Variants in RARB observed in about 807,000 individuals in gnomAD.
RARB encodes HBV-activated protein.
In RARB, 17 loss-of-function variants were observed where a neutral mutation model predicts 51.9. The ratio of observed to expected loss-of-function variants is 0.33; its 90% confidence interval spans 0.22 to 0.49. RARB has a LOEUF of 0.49. Among genes scored for constraint, RARB ranks in the 20% least tolerant of loss-of-function variants. RARB has a pLI of 0.99. For missense variants in RARB, 369 were observed against 550.8 expected (o/e 0.67, Z 3.30); for synonymous variants, 215 against 195.4 (o/e 1.10, Z -0.84).
At chr3:25,464,672 A>G (rs1189496422) in intron 2 of RARB, among the ~76,000 whole-genome samples, 2 of 152,156 alleles carry the variant, frequency 1.3e-5, no homozygotes, top group Non-Finnish European at 2.9e-5. Flanking sequence ...AAAATTAAAT[A>G]TAATTTTATT....
intron 1 of RARB, among the ~76,000 whole-genome samples, chr3:24,857,641 T>C (rs1702658987): frequency 6.6e-6 from 1 of 152,170 alleles, no homozygotes; most frequent in African/African-American, 2.4e-5. Flanking sequence ...TCGACTTCAG[T>C]GCAGTAGCTC....
intron 5 of RARB, chr3:25,324,090 T>C (rs1476396890): frequency 6.6e-6 from 1 of 152,130 alleles, no homozygotes; most frequent in African/African-American, 2.4e-5. Context: ...GAAGATACTG[T>C]GTACTATTGA....
At chr3:25,251,605 T>C (rs752205108) in intron 5 of RARB, among the ~76,000 whole-genome samples, 1 of 152,204 alleles carries the variant, frequency 6.6e-6, no homozygotes. Flanking sequence ...ATTTTCCTAA[T>C]GACTAATGAT....
At chr3:25,294,780 C>T (rs1349055850) in intron 5 of RARB, among the ~76,000 whole-genome samples, 1 of 149,338 alleles carries the variant, frequency 6.7e-6, no homozygotes, top group Non-Finnish European at 1.5e-5. Context: ...TTTTCTCCTA[C>T]TGTTTCTGTA....
chr3:25,240,587 A>T (rs1203665955), intron 5 of RARB, among the ~76,000 whole-genome samples: 1 of 152,130 alleles, frequency 6.6e-6, no homozygotes, highest in Non-Finnish European at 1.5e-5. Flanking sequence ...TTATTGAGTG[A>T]TCATACAGTT....
At chr3:25,315,303 G>T (rs1216375796) in intron 5 of RARB, among the ~76,000 whole-genome samples, 2 of 152,148 alleles carry the variant, frequency 1.3e-5, no homozygotes, top group Non-Finnish European at 1.5e-5. Context: ...GGGCTTACTT[G>T]AGAAGTATAA....
At chr3:25,216,331 C>G (rs951061973) in intron 5 of RARB, among the ~76,000 whole-genome samples, 3 of 152,076 alleles carry the variant, frequency 2.0e-5, no homozygotes, top group Admixed American at 1.3e-4. Flanking sequence ...ATGTTGCCTG[C>G]TTTAAAAAAA....
At chr3:25,506,349 C>T (rs1377514444) in intron 3 of RARB, among the ~76,000 whole-genome samples, 1 of 151,320 alleles carries the variant, frequency 6.6e-6, no homozygotes, top group Non-Finnish European at 1.5e-5. Context: ...CTCACACTTG[C>T]AATCCCAGCA....
chr3:25,448,465 T>A (rs1575413468), intron 1 of RARB, among the ~76,000 whole-genome samples: 1 of 152,188 alleles, frequency 6.6e-6, no homozygotes, highest in East Asian at 1.9e-4. Context: ...TTGAGAATCT[T>A]TTCTTTCTTT....
chr3:25,072,973 C>G (rs924414644), intron 3 of RARB, among the ~76,000 whole-genome samples: 1 of 152,114 alleles, frequency 6.6e-6, no homozygotes, highest in Non-Finnish European at 1.5e-5. Context: ...GCTGGGATTA[C>G]AGGTGTGAGC....
At chr3:25,030,462 T>G (rs1272666376) in intron 2 of RARB, among the ~76,000 whole-genome samples, 1 of 152,266 alleles carries the variant, frequency 6.6e-6, no homozygotes, top group African/African-American at 2.4e-5. Flanking sequence ...CTGTATTATC[T>G]TTTAATAATG....
intron 5 of RARB, among the ~76,000 whole-genome samples, chr3:25,321,297 A>G (rs547706637): frequency 2.6e-5 from 4 of 152,368 alleles, no homozygotes; most frequent in African/African-American, 9.6e-5. Context: ...TGGATGGAGT[A>G]GTAAGGTACT....
chr3:25,297,126 A>G (rs1332364231), intron 5 of RARB, among the ~76,000 whole-genome samples: 1 of 152,216 alleles, frequency 6.6e-6, no homozygotes, highest in Non-Finnish European at 1.5e-5. Flanking sequence ...GAAATCCATG[A>G]ACTCTGTGAT....
At chr3:25,130,719 C>A (rs529954418) in intron 3 of RARB, among the ~76,000 whole-genome samples, 8 of 151,886 alleles carry the variant, frequency 5.3e-5, no homozygotes, top group East Asian at 1.9e-4. Flanking sequence ...GAATGTCTTG[C>A]AGGAAATTCT....
chr3:25,096,958 T>G (rs1321251222), intron 3 of RARB, among the ~76,000 whole-genome samples: 17 of 152,194 alleles, frequency 1.1e-4, no homozygotes, highest in Admixed American at 1.1e-3. Context: ...TGTGGGGTTT[T>G]GCATAAGAAG....
In RARB at chr3:25,534,575, C is replaced by G. The variant is rs1699060486; in HGVS notation, c.448+33252C>G. 2.0e-5 allele frequency among the ~76,000 whole-genome samples: 3 copies of G among 152,180 alleles called. 1 individual carries two copies. In the South Asian group the frequency reaches 6.2e-4, roughly 32 times the overall value. ...GTGTAACAGGTTCCCTTATCAGTGG[C>G]TTTCCTGGGCCCCCCGGCACAGTGT... is the stretch of plus-strand genomic sequence containing the variant. On this transcript the variant is annotated intron_variant, in intron 3 of 7. Coordinates refer to ENST00000330688, the MANE Select transcript of RARB (RefSeq NM_000965.5).
chr3:25,158,230 T>C (rs1406597339), intron 4 of RARB, among the ~76,000 whole-genome samples: 1 of 152,216 alleles, frequency 6.6e-6, no homozygotes, highest in Non-Finnish European at 1.5e-5. Flanking sequence ...TAATTTTACC[T>C]GAGAGATCAC....
At chr3:25,208,926 TA>T (rs1701628056) in intron 5 of RARB, among the ~76,000 whole-genome samples, 1 of 152,136 alleles carries the variant, frequency 6.6e-6, no homozygotes, top group Non-Finnish European at 1.5e-5. Flanking sequence ...CTTTACTTAA[TA>T]AAGTGCTCCA....
intron 3 of RARB, among the ~76,000 whole-genome samples, chr3:25,539,979 C>A (rs1210534253): frequency 6.6e-6 from 1 of 152,130 alleles, no homozygotes; most frequent in African/African-American, 2.4e-5. Context: ...AAAGGGCCAA[C>A]TTCTCGTACA....
Sources: gnomAD v4.1 joint callset for allele counts (sites outside exome capture counted in the v4.1 genomes callset) on GRCh38, gnomAD v4.1.1 for gene constraint, MANE v1.5 for transcripts, NCBI Gene and HGNC (gene_info 2026-07-23, HGNC 2026-07-21) for gene names.